DCAF8L2: variants seen among roughly 807,000 people sequenced by gnomAD.
DCAF8L2 encodes DDB1- and CUL4-associated factor 8-like protein 2.
For missense variants in DCAF8L2, 430 were observed against 490.7 expected (o/e 0.88, Z 1.17); for synonymous variants, 200 against 190.9 (o/e 1.05, Z -0.39).
chrX:27,563,329 T>A, the DCAF8L2 span, among the ~76,000 whole-genome samples: 2 of 112,152 alleles, frequency 1.8e-5, no homozygotes, highest in Non-Finnish European at 3.8e-5. Context: ...TTGTTTAAAA[T>A]GATTTTTTGT....
At chrX:27,627,129 CAGGCT>C (rs1287200263) in intron 1 of DCAF8L2, among the ~76,000 whole-genome samples, 1 of 104,901 alleles carries the variant, frequency 9.5e-6, no homozygotes, top group Admixed American at 1.0e-4. Flanking sequence ...GGGAAAAATG[CAGGCT>C]GGTATTTCAT....
chrX:27,564,838 G>A, the DCAF8L2 span, among the ~76,000 whole-genome samples: 8 of 109,611 alleles, frequency 7.3e-5, no homozygotes, highest in African/African-American at 2.3e-4. Flanking sequence ...AAACCCTGCA[G>A]AAAGGTGATT....
intron 2 of DCAF8L2, among the ~76,000 whole-genome samples, chrX:27,664,282 T>C (rs1278263064): frequency 9.0e-6 from 1 of 111,138 alleles, no homozygotes; most frequent in East Asian, 2.8e-4. Context: ...AGTGCTGATA[T>C]GGAGATAGTT....
chrX:27,584,436 A>G, the DCAF8L2 span, among the ~76,000 whole-genome samples: 1 of 110,243 alleles, frequency 9.1e-6, no homozygotes, highest in Non-Finnish European at 1.9e-5. Context: ...CTCATATTCA[A>G]TAACTTCAAT....
chrX:27,533,228 A>AAG, the DCAF8L2 span, among the ~76,000 whole-genome samples: 64 of 42,788 alleles, frequency 1.5e-3, no homozygotes, highest in African/African-American at 3.6e-3. Flanking sequence ...GAAAGAAAGA[A>AAG]AGAAAGAGAA....
At chrX:27,517,821 G>A in the DCAF8L2 span, 49 of 1,084,689 alleles carry the variant, frequency 4.5e-5, no homozygotes, top group East Asian at 1.5e-4. Context: ...CGAATCTGTC[G>A]CAGAGTCTTG....
chrX:27,542,545 T>A, the DCAF8L2 span, among the ~76,000 whole-genome samples: 1 of 77,555 alleles, frequency 1.3e-5, no homozygotes, highest in African/African-American at 4.8e-5. Flanking sequence ...TTTTTTTTTT[T>A]TTTTTTTTTT....
At chrX:27,519,076 C>T in the DCAF8L2 span, 2 of 1,044,198 alleles carry the variant, frequency 1.9e-6, no homozygotes, top group Non-Finnish European at 2.7e-6. Context: ...GATGAAGTCT[C>T]AGGCTAGGGA....
chrX:27,533,234 G>A, the DCAF8L2 span, among the ~76,000 whole-genome samples: 54 of 33,672 alleles, frequency 1.6e-3, no homozygotes, highest in African/African-American at 3.4e-3. Flanking sequence ...AAGAAAGAAA[G>A]AGAAAGAAAG....
At chrX:27,499,022 G>T in the DCAF8L2 span, among the ~76,000 whole-genome samples, 8 of 112,163 alleles carry the variant, frequency 7.1e-5, no homozygotes, top group African/African-American at 2.6e-4. Context: ...GAATAATGCT[G>T]CAATGAACAT....
At chrX:27,745,046 A>T (rs1193822434) in intron 4 of DCAF8L2, among the ~76,000 whole-genome samples, 1 of 112,074 alleles carries the variant, frequency 8.9e-6, no homozygotes, top group Admixed American at 9.5e-5. Context: ...TTAGGGTTTG[A>T]TGCTCTAGGT....
intron 4 of DCAF8L2, among the ~76,000 whole-genome samples, chrX:27,721,884 A>G (rs1466230839): frequency 8.9e-6 from 1 of 111,910 alleles, no homozygotes; most frequent in Non-Finnish European, 1.9e-5. Context: ...TTGTAAATAA[A>G]ATAATGCCCT....
intron 1 of DCAF8L2, among the ~76,000 whole-genome samples, chrX:27,592,238 C>T (rs1370604174): frequency 8.9e-6 from 1 of 111,903 alleles, no homozygotes; most frequent in Non-Finnish European, 1.9e-5. Flanking sequence ...TGGGCCTCAG[C>T]TCTGCCATCT....
At chrX:27,679,385 G>A (rs1305107159) in intron 3 of DCAF8L2, among the ~76,000 whole-genome samples, 1 of 111,148 alleles carries the variant, frequency 9.0e-6, no homozygotes, top group East Asian at 2.8e-4. Flanking sequence ...TTGAAGAAGG[G>A]GAAGTAATTT....
At chrX:27,727,150 G>T (rs958512966) in intron 4 of DCAF8L2, among the ~76,000 whole-genome samples, 24 of 111,893 alleles carry the variant, frequency 2.1e-4, no homozygotes, top group Non-Finnish European at 1.1e-4. Context: ...TAAACAGGTT[G>T]AGCATCTTTC....
chrX:27,718,650 A>G (rs1400869143), intron 4 of DCAF8L2, among the ~76,000 whole-genome samples: 1 of 111,658 alleles, frequency 9.0e-6, no homozygotes, highest in African/African-American at 3.3e-5. Context: ...AGAAAAAAAA[A>G]CAGCCAGCCT....
intron 1 of DCAF8L2, among the ~76,000 whole-genome samples, chrX:27,620,617 G>C (rs1927711882): frequency 8.9e-6 from 1 of 111,918 alleles, no homozygotes; most frequent in Admixed American, 9.5e-5. Flanking sequence ...CTACAATGAT[G>C]TAATACTTCA....
intron 2 of DCAF8L2, among the ~76,000 whole-genome samples, chrX:27,661,247 A>G: frequency 8.9e-6 from 1 of 111,977 alleles, no homozygotes; most frequent in East Asian, 2.8e-4. Context: ...CTACAGTTTA[A>G]GTTTTCCCCA....
chrX:27,482,039 A>G, the DCAF8L2 span, among the ~76,000 whole-genome samples: 1 of 111,198 alleles, frequency 9.0e-6, no homozygotes, highest in Non-Finnish European at 1.9e-5. Flanking sequence ...AGTTTTGAAA[A>G]CTTAGTTGTC....
Sources: gnomAD v4.1 joint callset for allele counts (sites outside exome capture counted in the v4.1 genomes callset) on GRCh38, gnomAD v4.1.1 for gene constraint, MANE v1.5 for transcripts, NCBI Gene and HGNC (gene_info 2026-07-23, HGNC 2026-07-21) for gene names.